ANXA11: variants seen among roughly 807,000 people sequenced by gnomAD.
ANXA11 encodes the protein 56 kDa autoantigen.
In ANXA11, 57 loss-of-function variants were observed where a neutral mutation model predicts 64.7. The observed-to-expected ratio is 0.88, with a 90% CI of 0.71 to 1.10. The LOEUF (loss-of-function observed/expected upper bound fraction) is 1.10, where lower values mean the gene tolerates loss of function less well. Among genes scored for constraint, ANXA11 ranks in the 50% least tolerant of loss-of-function variants. The probability of loss-of-function intolerance (pLI) is 0.00; values close to 1 mark genes in which losing one functional copy is unlikely to be tolerated. For missense variants in ANXA11, 675 were observed against 670.7 expected, an observed-to-expected ratio of 1.01 and a Z score of -0.07; for synonymous variants, 260 against 265.2, an observed-to-expected ratio of 0.98 and a Z score of 0.19.
Position 80,200,915 on chromosome 10 carries a change from T to G in ANXA11, c.-58+4428A>C, listed in dbSNP as rs534078660. On this transcript the variant is annotated intron_variant, in intron 1 of 15. Coordinates refer to ENST00000422982, the MANE Select transcript of ANXA11 (RefSeq NM_145868.2). ...TCCACTTTGTGAAAGAAGCAAACCC[T>G]TGCAGGTACCTAGGTCTGCCTGAGC... Among the ~76,000 whole-genome samples the G allele has an allele frequency of 7.3e-4, 111 of 152,260 alleles. 1 individual carries two copies. Among genetic ancestry groups the G allele is most frequent in the Middle Eastern group, 3.4e-3 (1 of 292 alleles).
rs754612107 is a variant in ANXA11, at chr10:80,158,034, G to C, written c.1277-9C>G. On this transcript the variant is annotated splice_polypyrimidine_tract_variant and intron_variant, in intron 13 of 15. Coordinates refer to ENST00000422982, the MANE Select transcript of ANXA11 (RefSeq NM_145868.2). ...ATTCTTGAGACATTTCACTAGAAGAGAGAAACTCGGCATAACCAGATCTGC... is the reference window on the plus strand; with the variant it reads ...ATTCTTGAGACATTTCACTAGAAGACAGAAACTCGGCATAACCAGATCTGC... 1.2e-6 allele frequency: 2 copies of C among 1,613,904 alleles called. No homozygotes were observed. Among genetic ancestry groups the C allele is most frequent in the South Asian group, 2.2e-5 (2 of 91,070 alleles).
chr10:80,167,342 T>C (rs1483952032), intron 5 of ANXA11, 29 bp from the exon 6 acceptor site: 1 of 1,601,090 alleles, frequency 6.2e-7, no homozygotes, highest in Non-Finnish European at 8.6e-7. Flanking sequence ...TCAGGTAAGA[T>C]GTCGTGCATG....
At chr10:80,170,972 G>A in intron 3 of ANXA11, 57 bp from the exon 4 acceptor site, 1 of 1,544,822 alleles carries the variant, frequency 6.5e-7, no homozygotes, top group Non-Finnish European at 8.7e-7. Flanking sequence ...CACGGGGAAA[G>A]GCAGAGATGA....
chr10:80,199,492 T>C (rs1007109343), intron 1 of ANXA11, among the ~76,000 whole-genome samples: 16 of 151,940 alleles, frequency 1.1e-4, no homozygotes, highest in African/African-American at 3.9e-4. Flanking sequence ...GGTGGAAATA[T>C]TAATAGTAAA....
intron 1 of ANXA11, among the ~76,000 whole-genome samples, chr10:80,192,677 A>G (rs1846826261): frequency 6.6e-6 from 1 of 152,212 alleles, no homozygotes; most frequent in South Asian, 2.1e-4. Flanking sequence ...GGGAACTGGA[A>G]GGACACTGGA....
rs560813302 is a variant in ANXA11, at chr10:80,152,679, G to A, written c.*3174C>T. Reference sequence around the variant, plus strand: ...CTCTCACACTGTCCACCTTTACCTAGGCTGTCTTCTCCAGATCTGCAGCTC... The same window carrying A: ...CTCTCACACTGTCCACCTTTACCTAAGCTGTCTTCTCCAGATCTGCAGCTC... On this transcript the variant is annotated 3_prime_UTR_variant, in exon 16 of 16. Coordinates refer to ENST00000422982, the MANE Select transcript of ANXA11 (RefSeq NM_145868.2). 1 of 152,530 alleles carries A rather than the reference G, an allele frequency of 6.6e-6. No individual in the cohort carries two copies. Among genetic ancestry groups the A allele is most frequent in the African/African-American group, 2.4e-5 (1 of 41,568 alleles). 9.4% of individuals were successfully genotyped at this position (152,530 alleles called of 1,614,324 possible). A position where few individuals can be genotyped will look rare whatever the true frequency, so the allele number is the denominator to read the frequency against.
In ANXA11 at chr10:80,164,140, C is replaced by T. The variant is rs374621104; in HGVS notation, c.862G>A (p.Val288Ile). 5.0e-6 allele frequency: 8 copies of T among 1,613,662 alleles called. No individual in the cohort carries two copies. Among genetic ancestry groups the T allele is most frequent in the Non-Finnish European group, 5.9e-6 (7 of 1,179,648 alleles). Residue 288 changes from valine (V) to isoleucine (I), a missense_variant, in exon 9 of 16, where the codon GTT becomes ATT. Physicochemically the swap from Val to Ile is conservative, Grantham distance 29. Transcript: ENST00000422982. ...ATCAGGCAGGCTTCATCAGTGCCAA[C>T]CCCCTGCAGGGGCAGAGAATACAAC... ...IYEIKEAIKG[V>I]GTDEACLIEI...
In ANXA11 at chr10:80,167,320, G is replaced by A. The variant is rs199700081; in HGVS notation, c.562-7C>T. On this transcript the variant is annotated splice_polypyrimidine_tract_variant and splice_region_variant and intron_variant, in intron 5 of 15. Transcript: ENST00000422982. Reference sequence around the variant, plus strand: ...TGGTGCCTCGGCTTCCAAACTACTCGGACAAACAGTCTCAGGTAAGATGTC... The same window carrying A: ...TGGTGCCTCGGCTTCCAAACTACTCAGACAAACAGTCTCAGGTAAGATGTC... 92 of 1,613,694 alleles carry A rather than the reference G, an allele frequency of 5.7e-5. No individual in the cohort carries two copies. The African/African-American group carries it at 1.0e-3, about 18-fold the overall frequency.
At chr10:80,172,700 G>T (rs2132426242) in intron 3 of ANXA11, 107 bp downstream of exon 3, 3 of 1,140,562 alleles carry the variant, frequency 2.6e-6, no homozygotes, top group Non-Finnish European at 4.0e-6. Flanking sequence ...GCTGGGCCGT[G>T]CTGTGAGGGG....
chr10:80,188,893 G>A (rs1846655325), intron 1 of ANXA11, among the ~76,000 whole-genome samples: 1 of 152,110 alleles, frequency 6.6e-6, no homozygotes, highest in African/African-American at 2.4e-5. Flanking sequence ...GACCAGCCCA[G>A]CCCACACAGT....
intron 4 of ANXA11, 76 bp from the exon 5 acceptor site, chr10:80,169,434 A>C: frequency 6.5e-7 from 1 of 1,528,656 alleles, no homozygotes; most frequent in Non-Finnish European, 8.9e-7. Context: ...TTCATACCTA[A>C]GCCAAGTCAG....
In ANXA11 at chr10:80,155,669, G is replaced by A. The variant is rs1056970286; in HGVS notation, c.*184C>T. 23 of 639,884 alleles carry A rather than the reference G, an allele frequency of 3.6e-5. No homozygotes were observed. In the African/African-American group the frequency reaches 4.0e-4, roughly 11 times the overall value. The allele number at this position is 639,884 out of a possible 1,614,324, so 39.6% of individuals were successfully genotyped here. On this transcript the variant is annotated 3_prime_UTR_variant, in exon 16 of 16. Coordinates refer to ENST00000422982, the MANE Select transcript of ANXA11 (RefSeq NM_145868.2). ...GGGGTAGAAAAGGCATCCTGAGAGAGTTCTAGACCGACCCAGGTCCTGTGG... is the reference window on the plus strand; with the variant it reads ...GGGGTAGAAAAGGCATCCTGAGAGAATTCTAGACCGACCCAGGTCCTGTGG...
At chr10:80,202,565 G>A (rs992352411) in intron 1 of ANXA11, among the ~76,000 whole-genome samples, 9 of 151,984 alleles carry the variant, frequency 5.9e-5, no homozygotes, top group African/African-American at 2.2e-4. Flanking sequence ...TTCCTATCTA[G>A]GTATCACTCA....
intron 1 of ANXA11, among the ~76,000 whole-genome samples, chr10:80,186,263 G>A (rs1227297370): frequency 6.6e-6 from 1 of 151,932 alleles, no homozygotes; most frequent in Non-Finnish European, 1.5e-5. Flanking sequence ...ATTTGATAAT[G>A]CCCAGGATGA....
At chr10:80,166,291 T>G (rs771727589) in intron 7 of ANXA11, 94 bp from the exon 8 acceptor site, 1 of 715,708 alleles carries the variant, frequency 1.4e-6, no homozygotes, top group Non-Finnish European at 2.3e-6. Context: ...ATATCCCAGA[T>G]TTGAGGAACA....
intron 7 of ANXA11, 39 bp from the exon 8 acceptor site, chr10:80,166,236 AAC>A (rs1336832813): frequency 7.8e-6 from 10 of 1,285,764 alleles, no homozygotes; most frequent in East Asian, 2.3e-5. Context: ...CAAAAAAAAA[AAC>A]AAGTCTATTT....
At chr10:80,173,135 G>T in intron 2 of ANXA11, 1 of 455,902 alleles carries the variant, frequency 2.2e-6, no homozygotes, top group African/African-American at 2.0e-5. Context: ...CTCCCCATGA[G>T]CCAGTTTCCT....
At chr10:80,171,088 C>T (rs1013351483) in intron 3 of ANXA11, 173 bp from the exon 4 acceptor site, 1 of 1,515,006 alleles carries the variant, frequency 6.6e-7, no homozygotes, top group African/African-American at 1.4e-5. Flanking sequence ...TCCCCCTATC[C>T]CACTGGCAGA....
chr10:80,166,474 A>G, intron 7 of ANXA11: 1 of 453,396 alleles, frequency 2.2e-6, no homozygotes, highest in Non-Finnish European at 4.0e-6. Context: ...CCGAATTTTT[A>G]TCTTTCTAAG....
Sources: gnomAD v4.1 joint callset for allele counts (sites outside exome capture counted in the v4.1 genomes callset) on GRCh38, gnomAD v4.1.1 for gene constraint, MANE v1.5 for transcripts, NCBI Gene and HGNC (gene_info 2026-07-23, HGNC 2026-07-21) for gene names.